The following DTHD1 variants were observed in gnomAD, a reference collection of about 807,000 sequenced individuals.
The protein encoded by DTHD1 is death domain-containing protein 1.
DTHD1 carries 59 observed loss-of-function variants against 74.8 expected under a neutral mutation model. The ratio of observed to expected loss-of-function variants is 0.79; its 90% CI spans 0.64 to 0.98. The LOEUF (loss-of-function observed/expected upper bound fraction) is 0.98. DTHD1 is among the 50% of genes least tolerant of loss of function. DTHD1 has a pLI of 0.00. For missense variants in DTHD1, 1,051 were observed against 1,065.4 expected, an observed-to-expected ratio of 0.99 and a Z score of 0.19; for synonymous variants, 365 against 371.1, an observed-to-expected ratio of 0.98 and a Z score of 0.19.
chr4:36,326,757 C>G (rs140251310), intron 8 of DTHD1, among the ~76,000 whole-genome samples: 2 of 152,318 alleles, frequency 1.3e-5, no homozygotes, highest in Non-Finnish European at 2.9e-5. Flanking sequence ...TTCTTCCCAT[C>G]TAGCAGTTGC....
chr4:36,308,443 G>A lies in DTHD1; in HGVS notation c.2045G>A (p.Arg682Gln), dbSNP rs61739432. 0.024 allele frequency: 37,598 copies of A among 1,551,262 alleles called. 598 individuals are homozygous for A. The highest frequency in any genetic ancestry group is 0.048 in the Admixed American group (2,469 of 50,992). Residue 682 changes from arginine to glutamine, a missense_variant, in exon 7 of 10, where the codon CGA (arginine) becomes CAA (glutamine). Physicochemically the swap from Arg to Gln is conservative, Grantham distance 43 (BLOSUM62 1). Transcript: ENST00000639862. ...PPEPSRHFQV[R>Q]EGEQLLLRFT... ...GAGCCATCTCGTCATTTCCAAGTTC[G>A]AGAAGGAGAACAACTTCTTTTAAGA...
intron 8 of DTHD1, among the ~76,000 whole-genome samples, chr4:36,327,186 C>T (rs1459486131): frequency 6.6e-6 from 1 of 152,024 alleles, no homozygotes; most frequent in Non-Finnish European, 1.5e-5. Context: ...AGACTGGTCT[C>T]GAACTCCTGA....
At chr4:36,319,339 A>G (rs1372565674) in intron 8 of DTHD1, among the ~76,000 whole-genome samples, 2 of 152,218 alleles carry the variant, frequency 1.3e-5, no homozygotes, top group Admixed American at 1.3e-4. Context: ...TAAAAGTTTA[A>G]GAACTATTGA....
intron 8 of DTHD1, among the ~76,000 whole-genome samples, chr4:36,336,020 T>A (rs1339970222): frequency 1.3e-5 from 2 of 152,246 alleles, no homozygotes; most frequent in Non-Finnish European, 2.9e-5. Context: ...CTTAACAGCA[T>A]AAATATGACA....
rs115023369 is a variant in DTHD1 at position 36,310,475 on chromosome 4, G to A, written c.2095+1982G>A. ...TGGTGGAATAGAATCAGACAGGTGT[G>A]TGTGTAAAAATGAGGTGAGAGGGAA... On this transcript the variant is annotated intron_variant, in intron 7 of 9. Coordinates refer to ENST00000639862, the MANE Select transcript of DTHD1 (RefSeq NM_001170700.3). Among the ~76,000 whole-genome samples the A allele has an allele frequency of 6.4e-3, 974 of 152,278 alleles. 14 individuals are homozygous for A. The highest frequency in any genetic ancestry group is 0.022 in the African/African-American group (913 of 41,558).
At chr4:36,292,728 G>GT (rs1756156345) in intron 3 of DTHD1, among the ~76,000 whole-genome samples, 2 of 152,166 alleles carry the variant, frequency 1.3e-5, no homozygotes, top group Admixed American at 6.5e-5. Flanking sequence ...GTTTTTTCGT[G>GT]TATGTGAGCA....
In DTHD1 at chr4:36,306,359, C is replaced by G; in HGVS notation, c.1805+7C>G. On this transcript the variant is annotated splice_region_variant and intron_variant, in intron 6 of 9. Coordinates refer to ENST00000639862, the MANE Select transcript of DTHD1 (RefSeq NM_001170700.3). ...TGTATGAACATTTGGAGAGGTAATA[C>G]CATCAAAAACAATCAAAGTTGATGA... is the stretch of plus-strand genomic sequence containing the variant. 6.6e-7 allele frequency: 1 copy of G among 1,525,292 alleles called. No individual in the cohort carries two copies. The highest frequency in any genetic ancestry group is 2.5e-5 in the East Asian group (1 of 40,484). The allele number at this position is 1,525,292 out of a possible 1,614,324, so 94.5% of individuals were successfully genotyped here.
chr4:36,334,324 G>GT (rs1395153423), intron 8 of DTHD1, among the ~76,000 whole-genome samples: 1 of 150,474 alleles, frequency 6.6e-6, no homozygotes, highest in Non-Finnish European at 1.5e-5. Flanking sequence ...GAACACTCAG[G>GT]TTTGAGAACC....
At chr4:36,295,629 T>C (rs752685358) in intron 5 of DTHD1, among the ~76,000 whole-genome samples, 22 of 152,062 alleles carry the variant, frequency 1.4e-4, no homozygotes, top group Non-Finnish European at 2.8e-4. Context: ...GAGAGCATCA[T>C]CCTGATATTT....
chr4:36,342,918 C>CAAAAAAAAAA (rs55956868), intron 9 of DTHD1, among the ~76,000 whole-genome samples: 68 of 96,368 alleles, frequency 7.1e-4, no homozygotes, highest in African/African-American at 1.1e-3. Flanking sequence ...ACTAAAAATA[C>CAAAAAAAAAA]AAAAAAAAAA....
intron 2 of DTHD1, among the ~76,000 whole-genome samples, chr4:36,287,829 ATTGT>A (rs548207556): frequency 4.6e-4 from 70 of 151,468 alleles, no homozygotes; most frequent in Non-Finnish European, 5.8e-4. Flanking sequence ...TTTTGATGGG[ATTGT>A]TTGTTTTTTC....
At position 36,346,921 on chromosome 4, in the gene DTHD1, T is replaced by G. The variant is rs1208251073; in HGVS notation, c.*3097T>G. On this transcript the variant is annotated 3_prime_UTR_variant, in exon 10 of 10. Coordinates refer to ENST00000639862, the MANE Select transcript of DTHD1 (RefSeq NM_001170700.3). The stretch of plus-strand genomic sequence containing the variant: ...TAGCTCTCTTGTTGTTTGGAGTAAC[T>G]GTGTTATTCCTTGCAGTTCCCCTAC... Among the ~76,000 whole-genome samples the G allele has an allele frequency of 1.3e-5, 2 of 152,240 alleles. No individual in the cohort carries two copies. Among genetic ancestry groups the G allele is most frequent in the African/African-American group, 2.4e-5 (1 of 41,550 alleles).
At chr4:36,321,393 G>A (rs943897863) in intron 8 of DTHD1, among the ~76,000 whole-genome samples, 3 of 152,066 alleles carry the variant, frequency 2.0e-5, no homozygotes, top group Non-Finnish European at 4.4e-5. Context: ...GATCAGTGGC[G>A]GCATTTGATC....
chr4:36,334,401 C>T (rs1578492487), intron 8 of DTHD1, among the ~76,000 whole-genome samples: 1 of 149,188 alleles, frequency 6.7e-6, no homozygotes, highest in Non-Finnish European at 1.5e-5. Context: ...CTCTGTCACC[C>T]AGGCTGGAGT....
intron 8 of DTHD1, among the ~76,000 whole-genome samples, chr4:36,324,113 G>A (rs1227388530): frequency 1.3e-5 from 2 of 152,034 alleles, no homozygotes; most frequent in Non-Finnish European, 2.9e-5. Flanking sequence ...CCAGTTTAAT[G>A]AGAAGAGATT....
Position 36,290,710 on chromosome 4 carries a change from A to G in DTHD1, c.1218+7A>G. ...AATGAAGGGAGGTTATAAGGTTAGT[A>G]AATTCTTGGCTATATCTACATTTGC... On this transcript the variant is annotated splice_region_variant and intron_variant, in intron 3 of 9. Coordinates refer to ENST00000639862, the MANE Select transcript of DTHD1 (RefSeq NM_001170700.3). 3.9e-6 allele frequency: 6 copies of G among 1,528,808 alleles called. No homozygotes were observed. Among genetic ancestry groups the G allele is most frequent in the Non-Finnish European group, 5.3e-6 (6 of 1,141,154 alleles). The allele number at this position is 1,528,808 out of a possible 1,614,324, so 94.7% of individuals were successfully genotyped here. A position where few individuals can be genotyped will look rare whatever the true frequency, so the allele number is the denominator to read the frequency against.
intron 7 of DTHD1, 144 bp from the exon 8 acceptor site, chr4:36,316,098 G>A: frequency 1.4e-6 from 1 of 694,550 alleles, no homozygotes; most frequent in Non-Finnish European, 2.2e-6. Context: ...ACCACGCCCG[G>A]TTAATTTTTT....
intron 7 of DTHD1, among the ~76,000 whole-genome samples, chr4:36,314,909 T>C (rs1381024915): frequency 6.6e-6 from 1 of 151,940 alleles, no homozygotes; most frequent in Non-Finnish European, 1.5e-5. Context: ...TCCTAAACAA[T>C]CCTAGAAGTT....
chr4:36,329,019 G>A (rs1437261079), intron 8 of DTHD1, among the ~76,000 whole-genome samples: 1 of 152,164 alleles, frequency 6.6e-6, no homozygotes, highest in Non-Finnish European at 1.5e-5. Context: ...GACTTCACAG[G>A]AGTAGAGCCC....
Sources: gnomAD v4.1 joint callset for allele counts (sites outside exome capture counted in the v4.1 genomes callset) on GRCh38, gnomAD v4.1.1 for gene constraint, MANE v1.5 for transcripts, NCBI Gene and HGNC (gene_info 2026-07-23, HGNC 2026-07-21) for gene names.